Variants in NCAM2 observed in about 807,000 individuals in gnomAD.
The protein encoded by NCAM2 is N-CAM-2.
In NCAM2, 30 loss-of-function variants were observed where a neutral mutation model predicts 98.1. That is an observed-to-expected ratio of 0.31 (90% confidence interval 0.23 to 0.41). The LOEUF is 0.41. Ranked by LOEUF, NCAM2 falls within the 10% of genes least tolerant of loss-of-function variation. NCAM2 has a pLI of 1.00. For missense variants in NCAM2, 867 were observed against 1,005.8 expected (o/e 0.86, Z 1.87); for synonymous variants, 368 against 342.4 (o/e 1.07, Z -0.83).
intron 5 of NCAM2, among the ~76,000 whole-genome samples, chr21:21,306,449 A>C (rs187142707): frequency 3.3e-5 from 5 of 152,294 alleles, no homozygotes; most frequent in African/African-American, 1.2e-4. Context: ...TATTCCGGAT[A>C]ATATTTGCTC....
chr21:21,293,060 C>T lies in NCAM2; in HGVS notation c.619+819C>T, dbSNP rs572600187. The stretch of plus-strand genomic sequence containing the variant: ...GTCACAAGAAGAGCATGGGGAAAAC[C>T]GCCTCCATGATCCAGTCACCTCCCA... On this transcript the variant is annotated intron_variant, in intron 5 of 17. Coordinates refer to ENST00000400546, the MANE Select transcript of NCAM2 (RefSeq NM_004540.5). Among the ~76,000 whole-genome samples the T allele has an allele frequency of 4.0e-5, 6 of 151,870 alleles. No individual in the cohort carries two copies. The South Asian group carries it at 6.2e-4, about 16-fold the overall frequency.
At position 21,262,865 on chromosome 21, in the gene NCAM2, G is replaced by GA. The variant is rs567376921; in HGVS notation, c.56-17712dup. Among the ~76,000 whole-genome samples, 636 of 152,180 alleles carry GA rather than the reference G, an allele frequency of 4.2e-3. 9 individuals carry two copies. The highest frequency in any genetic ancestry group is 0.015 in the African/African-American group (621 of 41,530). ...AAGTCAAGTCTCAGATGGCAGCAGA[G>GA]AGAGAAGAGAGCTTGTGCAGAGAAA... On this transcript the variant is annotated intron_variant, in intron 1 of 17. Coordinates refer to ENST00000400546, the MANE Select transcript of NCAM2 (RefSeq NM_004540.5).
chr21:21,483,506 C>A (rs1602473169), intron 15 of NCAM2, among the ~76,000 whole-genome samples: 1 of 151,854 alleles, frequency 6.6e-6, no homozygotes, highest in South Asian at 2.1e-4. Context: ...TTTCAAGCAA[C>A]ACTAATAAAT....
intron 1 of NCAM2, among the ~76,000 whole-genome samples, chr21:21,226,231 T>G (rs2070377824): frequency 6.6e-6 from 1 of 151,902 alleles, no homozygotes; most frequent in Admixed American, 6.6e-5. Flanking sequence ...GACGACAGGA[T>G]TATTAGAAGC....
chr21:21,278,196 G>A (rs1216320969), intron 1 of NCAM2, among the ~76,000 whole-genome samples: 1 of 151,492 alleles, frequency 6.6e-6, no homozygotes, highest in Non-Finnish European at 1.5e-5. Context: ...TATATTTTCT[G>A]CTTCTTTCCC....
chr21:21,474,721 C>T (rs1333152512), intron 14 of NCAM2, among the ~76,000 whole-genome samples: 3 of 152,018 alleles, frequency 2.0e-5, no homozygotes, highest in African/African-American at 4.8e-5. Context: ...CTCATGGATC[C>T]CTTGTCTTCA....
At chr21:21,384,203 C>T (rs540762880) in intron 9 of NCAM2, among the ~76,000 whole-genome samples, 9 of 151,976 alleles carry the variant, frequency 5.9e-5, no homozygotes, top group Non-Finnish European at 1.3e-4. Context: ...ATGAATTTCA[C>T]ATAAAGCAAA....
At chr21:21,342,966 C>T (rs2075085460) in intron 8 of NCAM2, among the ~76,000 whole-genome samples, 1 of 152,162 alleles carries the variant, frequency 6.6e-6, no homozygotes, top group Admixed American at 6.5e-5. Context: ...TCTCACTCTG[C>T]ATAGTGCATG....
At chr21:21,281,234 T>C (rs59614440) in intron 2 of NCAM2, among the ~76,000 whole-genome samples, 2,140 of 152,320 alleles carry the variant, frequency 0.014, 46 homozygotes, top group African/African-American at 0.049. Flanking sequence ...TTGCATTATA[T>C]CTGATAATAA....
At chr21:21,505,135 T>C (rs997658854) in intron 15 of NCAM2, among the ~76,000 whole-genome samples, 1 of 152,080 alleles carries the variant, frequency 6.6e-6, no homozygotes, top group Admixed American at 6.6e-5. Flanking sequence ...GTAATAAGTT[T>C]ATAAAGTTAA....
At chr21:21,026,827 A>G (rs967440246) in intron 1 of NCAM2, among the ~76,000 whole-genome samples, 5 of 147,968 alleles carry the variant, frequency 3.4e-5, no homozygotes, top group African/African-American at 7.4e-5. Context: ...ATTTTTAACC[A>G]TGGCAAATGT....
At chr21:21,314,559 C>T (rs368669572) in intron 5 of NCAM2, among the ~76,000 whole-genome samples, 4 of 152,020 alleles carry the variant, frequency 2.6e-5, no homozygotes, top group Admixed American at 2.6e-4. Flanking sequence ...ACGTATATAC[C>T]TACATTATTT....
intron 1 of NCAM2, among the ~76,000 whole-genome samples, chr21:21,214,463 C>A (rs944450769): frequency 1.3e-5 from 2 of 151,762 alleles, no homozygotes; most frequent in African/African-American, 4.8e-5. Flanking sequence ...AACTGCAATG[C>A]CTTAAGATTT....
At chr21:21,078,067 C>T (rs2065716222) in intron 1 of NCAM2, among the ~76,000 whole-genome samples, 1 of 151,958 alleles carries the variant, frequency 6.6e-6, no homozygotes. Context: ...GTATATTATA[C>T]TGTGGATATA....
chr21:21,150,700 T>TA (rs1414979991), intron 1 of NCAM2, among the ~76,000 whole-genome samples: 1 of 152,012 alleles, frequency 6.6e-6, no homozygotes, highest in African/African-American at 2.4e-5. Context: ...TATATATTGT[T>TA]AGATCCATTT....
intron 1 of NCAM2, among the ~76,000 whole-genome samples, chr21:21,039,900 A>G (rs2064869603): frequency 1.3e-5 from 2 of 152,192 alleles, no homozygotes; most frequent in South Asian, 2.1e-4. Flanking sequence ...TAGAGTTATT[A>G]TATTTCAAAA....
chr21:21,133,960 T>C (rs1258862656), intron 1 of NCAM2, among the ~76,000 whole-genome samples: 1 of 152,050 alleles, frequency 6.6e-6, no homozygotes, highest in African/African-American at 2.4e-5. Flanking sequence ...ATCTTAATGG[T>C]GCAGTATATT....
intron 1 of NCAM2, among the ~76,000 whole-genome samples, chr21:21,085,465 T>G (rs1179110456): frequency 1.3e-5 from 2 of 152,094 alleles, no homozygotes; most frequent in Non-Finnish European, 2.9e-5. Flanking sequence ...GTTCCAGCCA[T>G]GTTGCTGTCT....
chr21:21,265,322 C>CAT (rs2072195270), intron 1 of NCAM2, among the ~76,000 whole-genome samples: 1 of 126,706 alleles, frequency 7.9e-6, no homozygotes, highest in Admixed American at 8.4e-5. Flanking sequence ...CGTATATATA[C>CAT]ACATATATAA....
Sources: gnomAD v4.1 joint callset for allele counts (sites outside exome capture counted in the v4.1 genomes callset) on GRCh38, gnomAD v4.1.1 for gene constraint, MANE v1.5 for transcripts, NCBI Gene and HGNC (gene_info 2026-07-23, HGNC 2026-07-21) for gene names.